Variants in TMCC1 observed in about 807,000 individuals in gnomAD.
TMCC1 encodes the protein transmembrane and coiled-coil domains protein 1.
TMCC1 carries 15 observed loss-of-function variants against 52.4 expected under a neutral mutation model. That is an observed-to-expected ratio of 0.29 (90% CI 0.19 to 0.44). TMCC1 has a LOEUF of 0.44. Ranked by LOEUF, TMCC1 falls within the 20% of genes least tolerant of loss-of-function variation. The pLI, the probability that TMCC1 is intolerant of heterozygous loss-of-function variation, is 1.00. For synonymous variants in TMCC1, 279 were observed against 301.9 expected (o/e 0.92, Z 0.79); for missense variants, 503 against 806.0 (o/e 0.62, Z 4.55).
chr3:129,883,203 T>C (rs2061543136), intron 1 of TMCC1, among the ~76,000 whole-genome samples: 1 of 151,850 alleles, frequency 6.6e-6, no homozygotes, highest in Non-Finnish European at 1.5e-5. Context: ...TCCCAGCTAC[T>C]TGGGAGGCTG....
intron 4 of TMCC1, among the ~76,000 whole-genome samples, chr3:129,760,028 AT>A (rs564775785): frequency 6.6e-6 from 1 of 151,100 alleles, no homozygotes; most frequent in Non-Finnish European, 1.5e-5. Context: ...GCCCAAAAAA[AT>A]TTTTTTTAAT....
Position 129,670,812 on chromosome 3 carries a change from C to G in TMCC1, c.1029G>C (p.Val343=). The change falls in exon 5 of 7, where the codon GTG becomes GTC. Residue 343 remains valine, a synonymous_variant. Transcript: ENST00000393238. Reference sequence around the variant, plus strand: ...AAAACCCACCTTTGACACTATCCACCACACCTTCACTGAAGCCAGTCACCT... The same window carrying G: ...AAAACCCACCTTTGACACTATCCACGACACCTTCACTGAAGCCAGTCACCT... ...GAKVTGFSEG[V]VDSVKGGFSS... 1 of 1,614,154 alleles carries G rather than the reference C, an allele frequency of 6.2e-7. No homozygotes were observed. The highest frequency in any genetic ancestry group is 1.1e-5 in the South Asian group (1 of 91,084).
chr3:129,762,141 G>A (rs2053663926), intron 4 of TMCC1, among the ~76,000 whole-genome samples: 1 of 151,512 alleles, frequency 6.6e-6, no homozygotes, highest in Non-Finnish European at 1.5e-5. Flanking sequence ...GGGCTCAAGA[G>A]ATCCTCCCAC....
At chr3:129,812,768 G>A (rs777851391) in intron 4 of TMCC1, among the ~76,000 whole-genome samples, 27 of 152,064 alleles carry the variant, frequency 1.8e-4, no homozygotes, top group Non-Finnish European at 2.6e-4. Flanking sequence ...ACCTGGCAAA[G>A]ACTTCATAAC....
intron 4 of TMCC1, among the ~76,000 whole-genome samples, chr3:129,704,912 G>A (rs2048105106): frequency 1.3e-5 from 2 of 152,146 alleles, no homozygotes; most frequent in Admixed American, 1.3e-4. Context: ...TGATTGAGCT[G>A]ATTCAATGTA....
chr3:129,807,461 T>C (rs1470250756), intron 4 of TMCC1, among the ~76,000 whole-genome samples: 1 of 152,190 alleles, frequency 6.6e-6, no homozygotes, highest in Non-Finnish European at 1.5e-5. Flanking sequence ...ATTTTCCAGA[T>C]TGAAAGACTC....
chr3:129,838,751 TCAAAAAAAAAA>T (rs1445638375), intron 2 of TMCC1, among the ~76,000 whole-genome samples: 1 of 31,678 alleles, frequency 3.2e-5, no homozygotes, highest in African/African-American at 1.4e-4. Flanking sequence ...AGACTCTGTC[TCAAAAAAAAAA>T]AAAAAAAAAA....
At chr3:129,677,280 A>G (rs1462148387) in intron 4 of TMCC1, among the ~76,000 whole-genome samples, 1 of 152,210 alleles carries the variant, frequency 6.6e-6, no homozygotes, top group Non-Finnish European at 1.5e-5. Context: ...GACTCAGGCT[A>G]TAATATTCAA....
At chr3:129,808,829 C>A (rs186537248) in intron 4 of TMCC1, among the ~76,000 whole-genome samples, 4 of 138,542 alleles carry the variant, frequency 2.9e-5, no homozygotes, top group Admixed American at 1.5e-4. Flanking sequence ...GCAGCATAAG[C>A]ATGTTATTTA....
At chr3:129,748,794 G>A (rs927337007) in intron 4 of TMCC1, among the ~76,000 whole-genome samples, 1 of 151,988 alleles carries the variant, frequency 6.6e-6, no homozygotes, top group African/African-American at 2.4e-5. Context: ...CTTAAGCCCG[G>A]GAGTTGAAGA....
intron 4 of TMCC1, among the ~76,000 whole-genome samples, chr3:129,781,877 G>C (rs1249698994): frequency 1.3e-5 from 2 of 152,102 alleles, no homozygotes; most frequent in African/African-American, 4.8e-5. Context: ...AAAGATGGTA[G>C]CAGAGATGAG....
At chr3:129,706,087 C>T (rs2048214879) in intron 4 of TMCC1, among the ~76,000 whole-genome samples, 1 of 151,002 alleles carries the variant, frequency 6.6e-6, no homozygotes, top group African/African-American at 2.4e-5. Flanking sequence ...GACGGGGTTT[C>T]ACCATGTTGG....
intron 4 of TMCC1, among the ~76,000 whole-genome samples, chr3:129,702,930 C>T (rs1465014702): frequency 3.9e-5 from 6 of 152,142 alleles, no homozygotes; most frequent in African/African-American, 1.4e-4. Flanking sequence ...GCAGGAGAAT[C>T]GCTTGAACCC....
chr3:129,848,682 CA>C (rs1335018004), intron 2 of TMCC1, among the ~76,000 whole-genome samples: 1 of 152,148 alleles, frequency 6.6e-6, no homozygotes, highest in East Asian at 1.9e-4. Context: ...AAATCCGTGC[CA>C]ACCAATGAAA....
chr3:129,871,501 G>T (rs1329490228), intron 2 of TMCC1, among the ~76,000 whole-genome samples: 2 of 151,230 alleles, frequency 1.3e-5, no homozygotes, highest in Non-Finnish European at 1.5e-5. Context: ...CCCAGTTTTA[G>T]TATCATTTAT....
At position 129,828,144 on chromosome 3, in the gene TMCC1, G is replaced by C; in HGVS notation, c.235C>G (p.Pro79Ala). ...TTCTGGCTTTCCAGATCCATTTCAG[G>C]TTCTGGATCTGCCTGAATTTGCTGC... is the stretch of plus-strand genomic sequence containing the variant. ...DVQQIQADPEPEMDLESQNAC... is the reference protein window; with the variant it reads ...DVQQIQADPEAEMDLESQNAC... Residue 79 changes from proline (P) to alanine (A), a missense_variant, in exon 4 of 7, where the codon CCT becomes GCT. Pro to Ala is a conservative substitution (Grantham distance 27, BLOSUM62 -1). Transcript: ENST00000393238. The surrounding 1 kb of genome is among the most constrained non-coding windows in gnomAD (Gnocchi z 4.1). 1 of 1,614,136 alleles carries C rather than the reference G, an allele frequency of 6.2e-7. No individual in the cohort carries two copies. Among genetic ancestry groups the C allele is most frequent in the South Asian group, 1.1e-5 (1 of 91,078 alleles).
At chr3:129,788,200 C>G (rs959715171) in intron 4 of TMCC1, among the ~76,000 whole-genome samples, 4 of 152,126 alleles carry the variant, frequency 2.6e-5, no homozygotes, top group Non-Finnish European at 5.9e-5. Flanking sequence ...AAATAAAAAA[C>G]TAGCACACTT....
intron 4 of TMCC1, among the ~76,000 whole-genome samples, chr3:129,772,558 A>C (rs999502258): frequency 6.6e-6 from 1 of 151,610 alleles, no homozygotes; most frequent in East Asian, 2.0e-4. Flanking sequence ...TACTAAAAAA[A>C]AAAAATTCAA....
intron 4 of TMCC1, among the ~76,000 whole-genome samples, chr3:129,803,848 A>C (rs2057322342): frequency 6.6e-6 from 1 of 152,182 alleles, no homozygotes; most frequent in African/African-American, 2.4e-5. Context: ...TTTAAAATAT[A>C]ATCAATTTCT....
Sources: allele counts gnomAD v4.1 joint callset (sites outside exome capture counted in the v4.1 genomes callset), GRCh38; gene constraint gnomAD v4.1.1; non-coding constraint Gnocchi (gnomAD v3.1); transcripts MANE v1.5; gene names NCBI Gene and HGNC (gene_info 2026-07-23, HGNC 2026-07-21).